Variants in TMED8 observed in about 807,000 individuals in gnomAD.
TMED8 encodes transmembrane p24 trafficking protein family member 8, also known as protein TMED8.
Under a neutral mutation model 32.7 loss-of-function variants are expected in TMED8, and 15 were observed. The observed-to-expected ratio is 0.46, with a 90% CI of 0.31 to 0.71. The LOEUF is 0.71. TMED8 is among the 30% of genes least tolerant of loss of function. The pLI is 0.06. For synonymous variants in TMED8, 147 were observed against 161.4 expected (o/e 0.91, Z 0.68); for missense variants, 390 against 423.9 (o/e 0.92, Z 0.70).
chr14:77,363,133 T>C (rs1449708223), intron 1 of TMED8, among the ~76,000 whole-genome samples: 1 of 152,210 alleles, frequency 6.6e-6, no homozygotes, highest in Non-Finnish European at 1.5e-5. Flanking sequence ...GGGCCCAATT[T>C]TCCATACAAC....
intron 1 of TMED8, among the ~76,000 whole-genome samples, chr14:77,355,386 G>T (rs1207086515): frequency 1.3e-5 from 2 of 151,844 alleles, no homozygotes; most frequent in East Asian, 3.9e-4. Context: ...AGTAGAGATG[G>T]GTTTTCACCA....
intron 1 of TMED8, among the ~76,000 whole-genome samples, chr14:77,360,389 T>C (rs1215574023): frequency 6.6e-6 from 1 of 152,098 alleles, no homozygotes; most frequent in African/African-American, 2.4e-5. Flanking sequence ...TATTTTATCC[T>C]GTTTCTGTGT....
At position 77,375,733 on chromosome 14, in the gene TMED8, T is replaced by C. The variant is rs138874214; in HGVS notation, c.118+1203A>G. On this transcript the variant is annotated intron_variant, in intron 1 of 5. Coordinates refer to ENST00000216468, the MANE Select transcript of TMED8 (RefSeq NM_213601.3). ...GTAGAAGACAGAAAAAGGCACCATG[T>C]TGGAAGCCATACATCCAAGAACACC... is the stretch of plus-strand genomic sequence containing the variant. 6.4e-3 allele frequency among the ~76,000 whole-genome samples: 972 copies of C among 152,294 alleles called. 6 individuals are homozygous for C. The highest frequency in any genetic ancestry group is 0.023 in the African/African-American group (941 of 41,546).
At chr14:77,360,307 T>C (rs1893404055) in intron 1 of TMED8, among the ~76,000 whole-genome samples, 1 of 152,118 alleles carries the variant, frequency 6.6e-6, no homozygotes, top group Admixed American at 6.6e-5. Flanking sequence ...GTATCTCTAC[T>C]TTGTATCCTT....
intron 1 of TMED8, among the ~76,000 whole-genome samples, chr14:77,370,362 A>T (rs1303580658): frequency 6.6e-6 from 1 of 152,172 alleles, no homozygotes; most frequent in African/African-American, 2.4e-5. Flanking sequence ...GGATTTAAAG[A>T]ATAACAAAAT....
intron 1 of TMED8, chr14:77,359,868 C>T (rs142587371): frequency 1.1e-3 from 191 of 177,102 alleles, no homozygotes; most frequent in African/African-American, 4.3e-3. Flanking sequence ...CTCAGCAGCT[C>T]TTTGGCTTTC....
At chr14:77,353,669 A>C (rs75085841) in intron 1 of TMED8, among the ~76,000 whole-genome samples, 33,415 of 150,418 alleles carry the variant, frequency 0.22, 3,858 homozygotes, top group Admixed American at 0.29. Flanking sequence ...GTTGCCCAGG[A>C]AGGCTTGTCT....
chr14:77,350,744 T>C (rs933861554), intron 2 of TMED8, among the ~76,000 whole-genome samples: 11 of 152,136 alleles, frequency 7.2e-5, no homozygotes, highest in Admixed American at 7.2e-4. Flanking sequence ...TCCAGGAGCT[T>C]GAGGCTGCAG....
In TMED8 at chr14:77,339,386, G is replaced by C. The variant is rs575340787; in HGVS notation, c.*2385C>G. ...TCCCTTAGGCTTCCCTGATGCAACA[G>C]AACTAGGATTCCAAAGAAAATAAGC... On this transcript the variant is annotated 3_prime_UTR_variant, in exon 6 of 6. Transcript: ENST00000216468. 5.9e-5 allele frequency: 9 copies of C among 152,292 alleles called. No individual in the cohort carries two copies. The highest frequency in any genetic ancestry group is 1.9e-4 in the East Asian group (1 of 5,182). The allele number at this position is 152,292 out of a possible 1,614,324, so 9.4% of individuals were successfully genotyped here. A position where few individuals can be genotyped will look rare whatever the true frequency, so the allele number is the denominator to read the frequency against.
At chr14:77,367,240 TAAAAAAAAAAAA>T (rs56707120) in intron 1 of TMED8, among the ~76,000 whole-genome samples, 10 of 25,074 alleles carry the variant, frequency 4.0e-4, no homozygotes, top group Non-Finnish European at 7.6e-4. Flanking sequence ...AGACTCTGTC[TAAAAAAAAAAAA>T]AAAAAAAAAA....
At chr14:77,368,232 C>A (rs1893600374) in intron 1 of TMED8, among the ~76,000 whole-genome samples, 1 of 152,114 alleles carries the variant, frequency 6.6e-6, no homozygotes, top group Non-Finnish European at 1.5e-5. Flanking sequence ...GAACTATTTT[C>A]TAAAGGGGTT....
chr14:77,351,750 C>T lies in TMED8; in HGVS notation c.120G>A (p.Glu40=). The change falls in exon 2 of 6, where the codon GAG becomes GAA. Residue 40 remains glutamate (E), a splice_region_variant and synonymous_variant. Coordinates refer to ENST00000216468, the MANE Select transcript of TMED8 (RefSeq NM_213601.3). ...TATCCTTGTTTTCTAGATCTTCATT[C>T]TCTAGAAAACCATAGAAAGAAAGAA... ...GVEGSQAAAS[E]NEDLENKDTS... 6.2e-7 allele frequency: 1 copy of T among 1,609,230 alleles called. No homozygotes were observed. Among genetic ancestry groups the T allele is most frequent in the Non-Finnish European group, 8.5e-7 (1 of 1,176,896 alleles).
At chr14:77,351,776 T>C (rs1043625826) in intron 1 of TMED8, 25 bp from the exon 2 acceptor site, 2 of 1,577,598 alleles carry the variant, frequency 1.3e-6, no homozygotes, top group Admixed American at 1.7e-5. Flanking sequence ...AAAGAAAGAA[T>C]TCAATATCTG....
Position 77,341,987 on chromosome 14 carries a change from T to C in TMED8, c.762A>G (p.Glu254=). 6.2e-7 allele frequency: 1 copy of C among 1,613,818 alleles called. No individual in the cohort carries two copies. The highest frequency in any genetic ancestry group is 8.5e-7 in the Non-Finnish European group (1 of 1,179,944). ...EEEEEEEEIE[E]PVPAGDVERG... ...TCTCCACATCTCCAGCTGGAACGGGTTCTGCGTGAGCAAAATGGCAAAGTG... is the reference window on the plus strand; with the variant it reads ...TCTCCACATCTCCAGCTGGAACGGGCTCTGCGTGAGCAAAATGGCAAAGTG... The change falls in exon 6 of 6, where the codon GAA becomes GAG. Residue 254 remains glutamate (E), a splice_region_variant and synonymous_variant. Transcript: ENST00000216468.
chr14:77,341,750 T>C lies in TMED8; in HGVS notation c.*21A>G. The C allele has an allele frequency of 6.2e-7, 1 of 1,613,300 alleles. No homozygotes were observed. Among genetic ancestry groups the C allele is most frequent in the South Asian group, 1.1e-5 (1 of 91,030 alleles). On this transcript the variant is annotated 3_prime_UTR_variant, in exon 6 of 6. Coordinates refer to ENST00000216468, the MANE Select transcript of TMED8 (RefSeq NM_213601.3). ...CCTGCTTCAGCCAGCAAATACAGCC[T>C]GCCCCTGTCCCAGCAGTCCTTCAGC...
rs557743005 is a variant in TMED8, at chr14:77,362,104, T to G, written c.119-10353A>C. 1.7e-4 allele frequency among the ~76,000 whole-genome samples: 26 copies of G among 152,202 alleles called. 1 individual carries two copies. Among genetic ancestry groups the G allele is most frequent in the African/African-American group, 5.3e-4 (22 of 41,524 alleles). ...ATTGATATCATTTATTAATTCTAAG[T>G]TTTTTTTGTAGAGTTTTTGGGGTTA... On this transcript the variant is annotated intron_variant, in intron 1 of 5. Transcript: ENST00000216468.
intron 1 of TMED8, among the ~76,000 whole-genome samples, chr14:77,353,103 C>T (rs1893216238): frequency 6.6e-6 from 1 of 152,178 alleles, no homozygotes; most frequent in Non-Finnish European, 1.5e-5. Context: ...GGCATAGAGA[C>T]AGGATTCAAA....
At chr14:77,351,088 C>G (rs373121949) in intron 2 of TMED8, among the ~76,000 whole-genome samples, 44 of 152,282 alleles carry the variant, frequency 2.9e-4, no homozygotes, top group African/African-American at 1.1e-3. Context: ...GAAAGTTGTG[C>G]CGTTTCCATT....
chr14:77,343,664 AC>A (rs567553332), intron 4 of TMED8, 32 bp downstream of exon 4: 2 of 1,612,632 alleles, frequency 1.2e-6, no homozygotes, highest in South Asian at 2.2e-5. Flanking sequence ...TCTACTGGAA[AC>A]AAACCACCTC....
Sources: allele counts gnomAD v4.1 joint callset (sites outside exome capture counted in the v4.1 genomes callset), GRCh38; gene constraint gnomAD v4.1.1; transcripts MANE v1.5; gene names NCBI Gene and HGNC (gene_info 2026-07-23, HGNC 2026-07-21).